Variants in PIGK observed in about 807,000 individuals in gnomAD.
The protein encoded by PIGK is phosphatidylinositol glycan anchor biosynthesis class K.
Under a neutral mutation model 50.6 loss-of-function variants are expected in PIGK, and 42 were observed. That is an observed-to-expected ratio of 0.83 (90% confidence interval 0.65 to 1.07). The LOEUF (loss-of-function observed/expected upper bound fraction) is 1.07, where lower values mean the gene tolerates loss of function less well. Among genes scored for constraint, PIGK ranks in the 50% least tolerant of loss-of-function variants. The pLI, the probability that PIGK is intolerant of heterozygous loss-of-function variation, is 0.00. For synonymous variants in PIGK, 151 were observed against 156.0 expected, an observed-to-expected ratio of 0.97 and a Z score of 0.24; for missense variants, 448 against 488.7, an observed-to-expected ratio of 0.92 and a Z score of 0.78.
intron 3 of PIGK, among the ~76,000 whole-genome samples, chr1:77,188,741 A>C (rs1263296191): frequency 6.6e-6 from 1 of 152,094 alleles, no homozygotes; most frequent in Middle Eastern, 3.2e-3. Context: ...TCTCCCCTGG[A>C]TGCCCAGCTT....
intron 3 of PIGK, among the ~76,000 whole-genome samples, chr1:77,180,116 C>T (rs1379829540): frequency 6.6e-6 from 1 of 151,812 alleles, no homozygotes; most frequent in Non-Finnish European, 1.5e-5. Context: ...TGATAAAATT[C>T]CCAAAATATC....
chr1:77,206,973 C>G (rs1364539398), intron 2 of PIGK, among the ~76,000 whole-genome samples: 3 of 152,148 alleles, frequency 2.0e-5, no homozygotes, highest in Non-Finnish European at 2.9e-5. Flanking sequence ...TCGAGACCAG[C>G]CTGGCCAACA....
chr1:77,170,817 C>A (rs552091648), intron 3 of PIGK, among the ~76,000 whole-genome samples: 1 of 152,184 alleles, frequency 6.6e-6, no homozygotes, highest in East Asian at 1.9e-4. Flanking sequence ...ATGTGGCATA[C>A]GTAATTAGTT....
intron 7 of PIGK, 66 bp from the exon 8 acceptor site, chr1:77,161,471 C>G: frequency 9.3e-7 from 1 of 1,073,300 alleles, no homozygotes; most frequent in Non-Finnish European, 1.5e-6. Flanking sequence ...TAAATGTAAC[C>G]AAAATTTCCT....
rs1283564642 is a variant in PIGK, at chr1:77,219,417, G to C, written c.-15C>G. 2 of 1,610,550 alleles carry C rather than the reference G, an allele frequency of 1.2e-6. No homozygotes were observed. Among genetic ancestry groups the C allele is most frequent in the Admixed American group, 3.3e-5 (2 of 59,892 alleles). ...GTGACGGCCATGTTTACCGGCTTCA[G>C]ACTTCCCGCACCTGAAGGGGCGGAG... On this transcript the variant is annotated 5_prime_UTR_variant, in exon 1 of 11. Coordinates refer to ENST00000370812, the MANE Select transcript of PIGK (RefSeq NM_005482.3).
intron 2 of PIGK, 29 bp downstream of exon 2, chr1:77,210,407 A>G: frequency 7.0e-7 from 1 of 1,431,014 alleles, no homozygotes; most frequent in Non-Finnish European, 9.6e-7. Context: ...TAATGTGAAC[A>G]GCAAGGTATA....
intron 10 of PIGK, among the ~76,000 whole-genome samples, chr1:77,095,698 G>GT (rs1017612177): frequency 2.6e-5 from 4 of 152,048 alleles, no homozygotes; most frequent in Admixed American, 6.6e-5. Flanking sequence ...TTAAAAATAT[G>GT]TTTTTTTCCA....
At chr1:77,195,072 T>G in intron 3 of PIGK, 1 of 958,154 alleles carries the variant, frequency 1.0e-6, no homozygotes, top group Non-Finnish European at 1.7e-6. Flanking sequence ...ACACTGCCCA[T>G]AGCAGGAACA....
At chr1:77,120,344 G>A (rs181709235) in intron 10 of PIGK, among the ~76,000 whole-genome samples, 10 of 151,874 alleles carry the variant, frequency 6.6e-5, no homozygotes, top group Admixed American at 1.3e-4. Flanking sequence ...TCAGCCTCCC[G>A]AGTAGGTGGG....
intron 3 of PIGK, among the ~76,000 whole-genome samples, chr1:77,176,619 T>C (rs1196393869): frequency 5.3e-5 from 8 of 152,184 alleles, no homozygotes; most frequent in Admixed American, 4.6e-4. Flanking sequence ...TCCTAGAATA[T>C]GGTGTCTTTT....
At chr1:77,214,758 A>G (rs917310422) in intron 1 of PIGK, among the ~76,000 whole-genome samples, 8 of 152,092 alleles carry the variant, frequency 5.3e-5, no homozygotes, top group Admixed American at 5.2e-4. Flanking sequence ...AAACCTAAAC[A>G]CTCCACAAAA....
chr1:77,163,333 A>G (rs1246995527), intron 6 of PIGK, among the ~76,000 whole-genome samples: 1 of 152,138 alleles, frequency 6.6e-6, no homozygotes, highest in African/African-American at 2.4e-5. Flanking sequence ...TCAAGTTAAA[A>G]GTTTTTTCAC....
rs2100594219 is a variant in PIGK, at chr1:77,219,411, G to A, written c.-9C>T. 2 of 1,611,708 alleles carry A rather than the reference G, an allele frequency of 1.2e-6. No homozygotes were observed. The highest frequency in any genetic ancestry group is 4.5e-5 in the East Asian group (2 of 44,798). On this transcript the variant is annotated 5_prime_UTR_variant, in exon 1 of 11. Transcript: ENST00000370812. ...CTGTCGGTGACGGCCATGTTTACCG[G>A]CTTCAGACTTCCCGCACCTGAAGGG...
chr1:77,179,867 A>G (rs1197279108), intron 3 of PIGK, among the ~76,000 whole-genome samples: 1 of 152,228 alleles, frequency 6.6e-6, no homozygotes. Context: ...TTATATTTAC[A>G]TAAGCTTTTG....
Position 77,161,302 on chromosome 1 carries a change from T to C in PIGK, c.806A>G (p.Asn269Ser). 1 of 1,473,420 alleles carries C rather than the reference T, an allele frequency of 6.8e-7. No individual in the cohort carries two copies. Among genetic ancestry groups the C allele is most frequent in the South Asian group, 1.1e-5 (1 of 88,054 alleles). The allele number at this position is 1,473,420 out of a possible 1,614,324, so 91.3% of individuals were successfully genotyped here. ...EINPASQTNM[N>S]DLFQVCPKSL... is the part of the protein sequence containing the mutation. ...AATCAAGTGAATACTTACAAGGTCATTCATATTAGTTTGGCTAGCTGGGTT... is the reference window on the plus strand; with the variant it reads ...AATCAAGTGAATACTTACAAGGTCACTCATATTAGTTTGGCTAGCTGGGTT... The change falls in exon 8 of 11, where the codon AAT (asparagine) becomes AGT (serine). Residue 269 changes from asparagine (N) to serine (S), a missense_variant. By Grantham distance (46) the Asn-to-Ser change is conservative (BLOSUM62 1). Coordinates refer to ENST00000370812, the MANE Select transcript of PIGK (RefSeq NM_005482.3).
At chr1:77,160,715 A>G (rs1655111592) in intron 8 of PIGK, among the ~76,000 whole-genome samples, 1 of 152,256 alleles carries the variant, frequency 6.6e-6, no homozygotes, top group East Asian at 1.9e-4. Context: ...TTCAAAGTAG[A>G]TTTAATGAAA....
At chr1:77,118,799 A>T (rs1654034237) in intron 10 of PIGK, among the ~76,000 whole-genome samples, 1 of 152,120 alleles carries the variant, frequency 6.6e-6, no homozygotes, top group African/African-American at 2.4e-5. Flanking sequence ...TAGGGTATCT[A>T]GGTTTGTGAT....
intron 10 of PIGK, among the ~76,000 whole-genome samples, chr1:77,111,130 G>C (rs1007696139): frequency 2.0e-4 from 31 of 152,190 alleles, no homozygotes; most frequent in Non-Finnish European, 3.7e-4. Context: ...AGGATGTGGA[G>C]AAATAGGAAC....
chr1:77,187,316 A>T (rs1262269161), intron 3 of PIGK, among the ~76,000 whole-genome samples: 1 of 152,190 alleles, frequency 6.6e-6, no homozygotes, highest in Non-Finnish European at 1.5e-5. Context: ...CAGGTCCAGG[A>T]ATCAAGGGGT....
Sources: gnomAD v4.1 joint callset for allele counts (sites outside exome capture counted in the v4.1 genomes callset) on GRCh38, gnomAD v4.1.1 for gene constraint, MANE v1.5 for transcripts, NCBI Gene and HGNC (gene_info 2026-07-23, HGNC 2026-07-21) for gene names.